The following CEP83 variants were observed in gnomAD, a reference collection of about 807,000 sequenced individuals.
CEP83 encodes the protein centrosomal protein of 83 kDa.
CEP83 carries 70 observed loss-of-function variants against 101.9 expected under a neutral mutation model. The observed-to-expected ratio is 0.69, with a 90% CI of 0.57 to 0.84. The LOEUF (loss-of-function observed/expected upper bound fraction) is 0.84. Among genes scored for constraint, CEP83 ranks in the 40% least tolerant of loss-of-function variants. CEP83 has a pLI of 0.00. For synonymous variants in CEP83, 264 were observed against 267.9 expected, an observed-to-expected ratio of 0.99 and a Z score of 0.14; for missense variants, 715 against 787.2, an observed-to-expected ratio of 0.91 and a Z score of 1.10.
In CEP83 at chr12:94,368,342, C is replaced by T. The variant is rs78522470; in HGVS notation, c.1049-141G>A. The stretch of plus-strand genomic sequence containing the variant: ...AAATATATATTCTCAACAATACTCA[C>T]ATCATTAATAAACACTCTTAAAATA... On this transcript the variant is annotated intron_variant, in intron 9 of 16. Transcript: ENST00000397809. The T allele has an allele frequency of 9.7e-6, 6 of 618,766 alleles. No homozygotes were observed. In the South Asian group the frequency reaches 1.4e-4, roughly 15 times the overall value. The allele number at this position is 618,766 out of a possible 1,614,324, so 38.3% of individuals were successfully genotyped here. A position where few individuals can be genotyped will look rare whatever the true frequency, so the allele number is the denominator to read the frequency against.
Position 94,445,027 on chromosome 12 carries a change from A to C in CEP83, c.-154-9700T>G, listed in dbSNP as rs1318413286. ...AAACACAAGGGACCCAGAAGAGCCA[A>C]AAAAAAAACTTTGAAAAAGAACAAA... is the stretch of plus-strand genomic sequence containing the variant. On this transcript the variant is annotated intron_variant, in intron 1 of 16. Transcript: ENST00000397809. 2.6e-5 allele frequency among the ~76,000 whole-genome samples: 4 copies of C among 150,948 alleles called. No individual in the cohort carries two copies. The East Asian group carries it at 7.7e-4, about 29-fold the overall frequency.
At chr12:94,293,029 A>G in the CEP83 span, among the ~76,000 whole-genome samples, 182 of 152,226 alleles carry the variant, frequency 1.2e-3, no homozygotes, top group Non-Finnish European at 2.2e-3. Flanking sequence ...AATATCTAAC[A>G]TGATAGTTTT....
chr12:94,331,541 G>A (rs2059222403), intron 14 of CEP83, 159 bp downstream of exon 14: 3 of 573,340 alleles, frequency 5.2e-6, no homozygotes, highest in Non-Finnish European at 9.0e-6. Context: ...TAATTTTTTT[G>A]TATTTTTTCA....
chr12:94,283,489 T>C, the CEP83 span, among the ~76,000 whole-genome samples: 3 of 152,224 alleles, frequency 2.0e-5, no homozygotes, highest in Non-Finnish European at 2.9e-5. Context: ...ACCTTCCCCA[T>C]TGCCTAGACA....
At chr12:94,275,320 C>T in the CEP83 span, among the ~76,000 whole-genome samples, 1 of 152,230 alleles carries the variant, frequency 6.6e-6, no homozygotes, top group Non-Finnish European at 1.5e-5. Flanking sequence ...GGCAGGAGAA[C>T]ATGCTGGTTA....
At chr12:94,364,580 T>C (rs73214110) in intron 11 of CEP83, among the ~76,000 whole-genome samples, 2 of 152,068 alleles carry the variant, frequency 1.3e-5, no homozygotes, top group South Asian at 2.1e-4. Context: ...CAGTGAGCCA[T>C]GATCGCTCAC....
chr12:94,311,633 T>C (rs1969879865), intron 15 of CEP83, among the ~76,000 whole-genome samples: 2 of 152,146 alleles, frequency 1.3e-5, no homozygotes. Context: ...GTCAGAAATG[T>C]TGTGTTGACT....
chr12:94,376,047 C>A, intron 7 of CEP83, 30 bp from the exon 8 acceptor site: 3 of 1,377,304 alleles, frequency 2.2e-6, no homozygotes, highest in South Asian at 1.6e-5. Context: ...GTTTAAAATT[C>A]ATCATTTTTC....
At chr12:94,403,959 T>C (rs940679928) in intron 4 of CEP83, among the ~76,000 whole-genome samples, 7 of 152,154 alleles carry the variant, frequency 4.6e-5, no homozygotes, top group Non-Finnish European at 8.8e-5. Flanking sequence ...TCCTTTTTTA[T>C]GAAGAGTCCA....
downstream of CEP83, chr12:94,307,256 A>G (rs1158473065): frequency 1.3e-5 from 2 of 151,990 alleles, no homozygotes. Flanking sequence ...AATATTTCTA[A>G]GCTACCTCAC....
chr12:94,412,043 G>A (rs576962624), intron 3 of CEP83, among the ~76,000 whole-genome samples, 196 bp from the exon 4 acceptor site: 1 of 152,180 alleles, frequency 6.6e-6, no homozygotes, highest in East Asian at 1.9e-4. Flanking sequence ...TTACTTTGGT[G>A]GGAGATGGGG....
At chr12:94,337,085 A>G (rs1292519990) in intron 11 of CEP83, among the ~76,000 whole-genome samples, 2 of 152,212 alleles carry the variant, frequency 1.3e-5, no homozygotes, top group Non-Finnish European at 2.9e-5. Context: ...GCTCCAGTTG[A>G]GAATCTGGAT....
intron 4 of CEP83, 76 bp from the exon 5 acceptor site, chr12:94,403,338 C>G: frequency 1.5e-6 from 1 of 676,096 alleles, no homozygotes; most frequent in Non-Finnish European, 2.5e-6. Flanking sequence ...AGCCTCTCTC[C>G]TAATTATGAC....
chr12:94,438,396 T>C (rs1474077307), intron 1 of CEP83, among the ~76,000 whole-genome samples: 1 of 152,220 alleles, frequency 6.6e-6, no homozygotes, highest in East Asian at 1.9e-4. Context: ...GGAACAGCTA[T>C]TCTTATATCA....
chr12:94,292,567 G>A, the CEP83 span, among the ~76,000 whole-genome samples: 2 of 152,192 alleles, frequency 1.3e-5, no homozygotes, highest in African/African-American at 4.8e-5. Flanking sequence ...GGAACCACAA[G>A]TATTTCAGAT....
At chr12:94,333,045 C>CAAAAAAAA (rs34900007) in intron 13 of CEP83, among the ~76,000 whole-genome samples, 27 of 73,162 alleles carry the variant, frequency 3.7e-4, no homozygotes, top group Non-Finnish European at 5.3e-4. Flanking sequence ...ATTTTAAGAC[C>CAAAAAAAA]AAAAAAAAAA....
At chr12:94,363,173 T>A (rs1168250835) in intron 11 of CEP83, among the ~76,000 whole-genome samples, 4 of 152,228 alleles carry the variant, frequency 2.6e-5, no homozygotes, top group Non-Finnish European at 5.9e-5. Flanking sequence ...GAAGAGACGA[T>A]TTTGAATGTT....
At chr12:94,422,880 G>A (rs186081348) in intron 2 of CEP83, among the ~76,000 whole-genome samples, 1 of 152,136 alleles carries the variant, frequency 6.6e-6, no homozygotes, top group East Asian at 1.9e-4. Context: ...GTTGTTTCTG[G>A]TTACAATGAA....
chr12:94,276,400 G>A, the CEP83 span, among the ~76,000 whole-genome samples: 1 of 145,334 alleles, frequency 6.9e-6, no homozygotes, highest in Non-Finnish European at 1.5e-5. Flanking sequence ...TTTAGCTTAG[G>A]ACATTGCTTA....
Sources: gnomAD v4.1 joint callset for allele counts (sites outside exome capture counted in the v4.1 genomes callset) on GRCh38, gnomAD v4.1.1 for gene constraint, MANE v1.5 for transcripts, NCBI Gene and HGNC (gene_info 2026-07-23, HGNC 2026-07-21) for gene names.